Variants in WDR11 observed in about 807,000 individuals in gnomAD.
WDR11 encodes the protein WD repeat domain 11.
Under a neutral mutation model 151.2 loss-of-function variants are expected in WDR11, and 83 were observed. The ratio of observed to expected loss-of-function variants is 0.55; its 90% CI spans 0.46 to 0.66. WDR11 has a LOEUF of 0.66. Ranked by LOEUF, WDR11 falls within the 30% of genes least tolerant of loss-of-function variation. WDR11 has a pLI of 0.00. For synonymous variants in WDR11, 484 were observed against 533.1 expected, an observed-to-expected ratio of 0.91 and a Z score of 1.27; for missense variants, 1,301 against 1,480.9, an observed-to-expected ratio of 0.88 and a Z score of 1.99.
At chr10:120,899,065 G>C (rs1055542154) in intron 19 of WDR11, among the ~76,000 whole-genome samples, 1 of 152,202 alleles carries the variant, frequency 6.6e-6, no homozygotes, top group Non-Finnish European at 1.5e-5. Flanking sequence ...ATAGAGTGTA[G>C]GGTGGTCAGA....
At chr10:120,890,650 T>C in intron 18 of WDR11, 66 bp from the exon 19 acceptor site, 1 of 1,598,348 alleles carries the variant, frequency 6.3e-7, no homozygotes, top group Non-Finnish European at 8.6e-7. Context: ...TCCTTGACCA[T>C]TTAATCTAGA....
At chr10:120,852,803 C>T (rs1845826368) in intron 2 of WDR11, among the ~76,000 whole-genome samples, 168 bp downstream of exon 2, 1 of 152,192 alleles carries the variant, frequency 6.6e-6, no homozygotes, top group Non-Finnish European at 1.5e-5. Flanking sequence ...AATGTCAATA[C>T]AGGGTGAGTT....
intron 24 of WDR11, among the ~76,000 whole-genome samples, 156 bp from the exon 25 acceptor site, chr10:120,904,490 G>A (rs916719194): frequency 6.6e-6 from 1 of 152,150 alleles, no homozygotes; most frequent in African/African-American, 2.4e-5. Context: ...AAAAAGTAGT[G>A]TAGCACCTCT....
Position 120,900,092 on chromosome 10 carries a change from TAC to T in WDR11, c.2582_2583del (p.His861ProfsTer15). On this transcript the variant is annotated frameshift_variant, in exon 20 of 29. Transcript: ENST00000263461. LOFTEE classifies it high-confidence loss of function. The stretch of plus-strand genomic sequence containing the variant: ...TCTCTTGCCTTGAAAGCCTTCTTAT[TAC>T]ACCAGCCTTGGAATGGACAGTATTC... The T allele has an allele frequency of 6.2e-7, 1 of 1,614,152 alleles. No homozygotes were observed. The highest frequency in any genetic ancestry group is 8.5e-7 in the Non-Finnish European group (1 of 1,179,986).
intron 12 of WDR11, chr10:120,879,379 A>G (rs1336337745): frequency 6.6e-6 from 1 of 152,114 alleles, no homozygotes; most frequent in African/African-American, 2.4e-5. Context: ...CTCTAGTCTC[A>G]TTGGAAGTGA....
rs537394620 is a variant in WDR11, at chr10:120,876,039, C to T, written c.1556+2116C>T. Among the ~76,000 whole-genome samples, 16 of 136,926 alleles carry T rather than the reference C, an allele frequency of 1.2e-4. No individual in the cohort carries two copies. The South Asian group carries it at 1.8e-3, about 16-fold the overall frequency. 89.8% of individuals were successfully genotyped at this position (136,926 alleles called of 152,430 possible). ...TGTTGCCCAGGCTAGAGTGGAATGG[C>T]GCTATCTTAGCTCACTGCAACCTCT... On this transcript the variant is annotated intron_variant, in intron 11 of 28. Transcript: ENST00000263461.
At chr10:120,899,809 A>T in intron 19 of WDR11, 1 of 579,516 alleles carries the variant, frequency 1.7e-6, no homozygotes, top group Non-Finnish European at 3.0e-6. Flanking sequence ...AAAAAATCAA[A>T]AAAGGGGGAA....
rs761722207 is a variant in WDR11, at chr10:120,865,693, C to T, written c.943C>T (p.Arg315Cys). 6.8e-6 allele frequency: 11 copies of T among 1,610,906 alleles called. No homozygotes were observed. Among genetic ancestry groups the T allele is most frequent in the Admixed American group, 6.7e-5 (4 of 59,964 alleles). Residue 315 changes from arginine (R) to cysteine (C), a missense_variant, in exon 7 of 29, where the codon CGT becomes TGT. Transcript: ENST00000263461. ...ACATGAAAATGGTTGTATAACTTTA[C>T]GTGTTCGAAGATCTTATAATAACAT... is the stretch of plus-strand genomic sequence containing the variant. ...CLHENGCITL[R>C]VRRSYNNIFT...
At chr10:120,864,024 C>G (rs562478617) in intron 5 of WDR11, among the ~76,000 whole-genome samples, 37 of 152,234 alleles carry the variant, frequency 2.4e-4, no homozygotes, top group African/African-American at 8.4e-4. Context: ...TAAGTTTTCT[C>G]TCATATGAAT....
rs35692153 is a variant in WDR11 at position 120,851,471 on chromosome 10, G to T, written c.51G>T (p.Gly17=). 16,917 of 1,612,208 alleles carry T rather than the reference G, an allele frequency of 0.01. 1,467 individuals are homozygous for T. In the African/African-American group the frequency reaches 0.19, roughly 18 times the overall value. ...AGGTGTCGGCGCGCACCCTCACGGG[G>T]GCCCTCAACGCCCACAACAAGGCGG... ...NFKVSARTLT[G]ALNAHNKAAV... The change falls in exon 1 of 29, where the codon GGG becomes GGT. Residue 17 remains glycine, a synonymous_variant. Coordinates refer to ENST00000263461, the MANE Select transcript of WDR11 (RefSeq NM_018117.12).
chr10:120,876,134 A>G (rs188321198), intron 11 of WDR11, among the ~76,000 whole-genome samples: 119 of 151,932 alleles, frequency 7.8e-4, no homozygotes, highest in Admixed American at 1.3e-3. Flanking sequence ...GTATGCCACC[A>G]CGCCCAGCTA....
At chr10:120,892,909 G>A (rs747254215) in intron 19 of WDR11, among the ~76,000 whole-genome samples, 8 of 151,956 alleles carry the variant, frequency 5.3e-5, no homozygotes, top group Non-Finnish European at 1.0e-4. Flanking sequence ...ATATGAGACT[G>A]TTTAATAGCA....
chr10:120,902,030 G>C (rs1361905822), intron 21 of WDR11, among the ~76,000 whole-genome samples: 1 of 152,230 alleles, frequency 6.6e-6, no homozygotes, highest in East Asian at 1.9e-4. Context: ...GAGCGCTGCA[G>C]CTCCCTGTGG....
chr10:120,871,754 C>A (rs547120364), intron 10 of WDR11, among the ~76,000 whole-genome samples: 1 of 152,190 alleles, frequency 6.6e-6, no homozygotes, highest in South Asian at 2.1e-4. Context: ...TTAATAATAG[C>A]AGGGTTCTTC....
chr10:120,855,880 C>T (rs571115424), intron 2 of WDR11, among the ~76,000 whole-genome samples: 1 of 152,272 alleles, frequency 6.6e-6, no homozygotes, highest in African/African-American at 2.4e-5. Context: ...GCTAGGACCT[C>T]TACTACAATG....
At chr10:120,905,579 T>G (rs529254705) in intron 26 of WDR11, 163 bp downstream of exon 26, 1 of 803,916 alleles carries the variant, frequency 1.2e-6, no homozygotes, top group Non-Finnish European at 2.0e-6. Flanking sequence ...TGAGTGTAAA[T>G]TGCATTACTT....
In WDR11 at chr10:120,865,178, T is replaced by C. The variant is rs1846268992; in HGVS notation, c.845T>C (p.Ile282Thr). Residue 282 changes from isoleucine (I) to threonine (T), a missense_variant, in exon 6 of 29, where the codon ATT becomes ACT. Physicochemically the swap from Ile to Thr is moderately conservative, Grantham distance 89 (BLOSUM62 -1). Transcript: ENST00000263461. Reference sequence around the variant, plus strand: ...GAGGTGAATCAGACGGTGGGTGTGATTGCAATAGAACGCACAGGAGTTCCA... The same window carrying C: ...GAGGTGAATCAGACGGTGGGTGTGACTGCAATAGAACGCACAGGAGTTCCA... Reference protein sequence around the residue: ...DLEVNQTVGVIAIERTGVPFL... With the variant: ...DLEVNQTVGVTAIERTGVPFL... 1.2e-5 allele frequency: 20 copies of C among 1,613,934 alleles called. No homozygotes were observed. The highest frequency in any genetic ancestry group is 1.6e-5 in the Non-Finnish European group (19 of 1,179,862).
intron 3 of WDR11, among the ~76,000 whole-genome samples, chr10:120,859,104 G>A (rs574557337): frequency 6.6e-6 from 1 of 152,146 alleles, no homozygotes; most frequent in African/African-American, 2.4e-5. Flanking sequence ...ACAATATAAG[G>A]AAAATTGGCC....
At chr10:120,862,588 A>G in intron 4 of WDR11, 147 bp from the exon 5 acceptor site, 1 of 828,102 alleles carries the variant, frequency 1.2e-6, no homozygotes, top group Non-Finnish European at 2.0e-6. Flanking sequence ...CAACTTAGAG[A>G]ACATTCCCAT....
Sources: gnomAD v4.1 joint callset for allele counts (sites outside exome capture counted in the v4.1 genomes callset) on GRCh38, gnomAD v4.1.1 for gene constraint, MANE v1.5 for transcripts, NCBI Gene and HGNC (gene_info 2026-07-23, HGNC 2026-07-21) for gene names.